Variants in ABHD12 observed in about 807,000 individuals in gnomAD.
ABHD12 encodes abhydrolase domain containing 12, lysophospholipase, also known as lysophosphatidylserine lipase ABHD12.
In ABHD12, 43 loss-of-function variants were observed where a neutral mutation model predicts 58.3. That is an observed-to-expected ratio of 0.74 (90% confidence interval 0.58 to 0.95). The LOEUF is 0.95. Among genes scored for constraint, ABHD12 ranks in the 40% least tolerant of loss-of-function variants. The pLI, the probability that ABHD12 is intolerant of heterozygous loss-of-function variation, is 0.00. For synonymous variants in ABHD12, 219 were observed against 211.2 expected, an observed-to-expected ratio of 1.04 and a Z score of -0.32; for missense variants, 539 against 537.2, an observed-to-expected ratio of 1.00 and a Z score of -0.03.
At chr20:25,312,169 CTCTCCCTCTCCCCACGG>C (rs1316040685) in intron 6 of ABHD12, among the ~76,000 whole-genome samples, 8 of 151,960 alleles carry the variant, frequency 5.3e-5, no homozygotes, top group South Asian at 2.1e-4. Context: ...AATAAAATAG[CTCTCCCTCTCCCCACGG>C]TCTCCCTCTC....
At chr20:25,339,418 G>C in intron 1 of ABHD12, 67 bp from the exon 2 acceptor site, 1 of 1,608,256 alleles carries the variant, frequency 6.2e-7, no homozygotes, top group Non-Finnish European at 8.5e-7. Context: ...TTTGTTAATA[G>C]TGTTATCAAA....
chr20:25,376,012 A>T (rs1406903976), intron 1 of ABHD12, among the ~76,000 whole-genome samples: 1 of 152,080 alleles, frequency 6.6e-6, no homozygotes, highest in Non-Finnish European at 1.5e-5. Context: ...AGTCCCAGCC[A>T]CTTGGGAGGC....
intron 1 of ABHD12, among the ~76,000 whole-genome samples, chr20:25,385,971 G>A (rs1274219718): frequency 6.6e-6 from 1 of 151,600 alleles, no homozygotes; most frequent in Non-Finnish European, 1.5e-5. Context: ...TGTGTTGGTG[G>A]GCACCTGTAG....
intron 1 of ABHD12, among the ~76,000 whole-genome samples, chr20:25,367,117 T>C (rs2089833038): frequency 6.6e-6 from 1 of 152,350 alleles, no homozygotes; most frequent in African/African-American, 2.4e-5. Context: ...TTTGAATTTG[T>C]CTTCTCTTCC....
At chr20:25,319,019 C>T (rs982703851) in intron 4 of ABHD12, among the ~76,000 whole-genome samples, 5 of 152,196 alleles carry the variant, frequency 3.3e-5, no homozygotes, top group Non-Finnish European at 7.3e-5. Context: ...GCTGGCTCTG[C>T]CTATAAAATG....
chr20:25,374,282 C>G (rs551099465), intron 1 of ABHD12, among the ~76,000 whole-genome samples: 3 of 151,962 alleles, frequency 2.0e-5, no homozygotes, highest in Non-Finnish European at 2.9e-5. Flanking sequence ...TTTTGAAAAT[C>G]TGTTTGGTTC....
chr20:25,379,631 C>T (rs1249727495), intron 1 of ABHD12, among the ~76,000 whole-genome samples: 1 of 152,202 alleles, frequency 6.6e-6, no homozygotes. Flanking sequence ...TATTCCCATG[C>T]ACACTCCAGA....
intron 1 of ABHD12, among the ~76,000 whole-genome samples, chr20:25,382,522 C>T (rs887784988): frequency 6.6e-6 from 1 of 152,082 alleles, no homozygotes; most frequent in African/African-American, 2.4e-5. Flanking sequence ...GACAAGTGTT[C>T]TAATGGAAGA....
chr20:25,371,415 T>C (rs557566515), intron 1 of ABHD12, among the ~76,000 whole-genome samples: 1 of 152,346 alleles, frequency 6.6e-6, no homozygotes, highest in African/African-American at 2.4e-5. Flanking sequence ...CACCTGGTTA[T>C]AAAACGCTTA....
intron 1 of ABHD12, among the ~76,000 whole-genome samples, chr20:25,388,790 T>TC (rs201884186): frequency 0.018 from 2,158 of 119,146 alleles, 53 homozygotes; most frequent in African/African-American, 0.09. Flanking sequence ...ATTTTTTCTT[T>TC]TTTTTTTTTT....
At chr20:25,331,631 A>T (rs1394511850) in intron 2 of ABHD12, among the ~76,000 whole-genome samples, 5 of 152,220 alleles carry the variant, frequency 3.3e-5, no homozygotes, top group African/African-American at 1.2e-4. Flanking sequence ...ACAAGCCAGA[A>T]GAGAGTGGGG....
chr20:25,355,699 C>CA (rs2089658445), intron 1 of ABHD12, among the ~76,000 whole-genome samples: 1 of 152,114 alleles, frequency 6.6e-6, no homozygotes, highest in South Asian at 2.1e-4. Context: ...GCTGGGATTA[C>CA]AGGCACCCAC....
intron 6 of ABHD12, among the ~76,000 whole-genome samples, chr20:25,312,718 C>T (rs564263828): frequency 6.6e-6 from 1 of 151,800 alleles, no homozygotes; most frequent in South Asian, 2.1e-4. Flanking sequence ...GGCCGCCATC[C>T]CATCTAGGAA....
chr20:25,369,229 C>T (rs972079877), intron 1 of ABHD12, among the ~76,000 whole-genome samples: 1 of 152,122 alleles, frequency 6.6e-6, no homozygotes, highest in Non-Finnish European at 1.5e-5. Context: ...TATTCATGTG[C>T]TTATAAGTCA....
At chr20:25,383,390 TG>T (rs1347504089) in intron 1 of ABHD12, among the ~76,000 whole-genome samples, 2 of 152,120 alleles carry the variant, frequency 1.3e-5, no homozygotes, top group African/African-American at 4.8e-5. Flanking sequence ...GCCTGTCGGT[TG>T]GGAGTTGGAG....
At chr20:25,319,630 T>C (rs556122182) in intron 4 of ABHD12, among the ~76,000 whole-genome samples, 1 of 152,036 alleles carries the variant, frequency 6.6e-6, no homozygotes, top group Non-Finnish European at 1.5e-5. Flanking sequence ...ATGACAGATA[T>C]AGAGAAAACA....
intron 2 of ABHD12, among the ~76,000 whole-genome samples, chr20:25,331,413 T>A (rs2089273530): frequency 6.6e-6 from 1 of 152,062 alleles, no homozygotes; most frequent in Non-Finnish European, 1.5e-5. Context: ...TTCCCCAATC[T>A]AGCAAGGCAG....
chr20:25,343,765 A>AG (rs1166407768), intron 1 of ABHD12, among the ~76,000 whole-genome samples: 2 of 152,230 alleles, frequency 1.3e-5, no homozygotes, highest in African/African-American at 4.8e-5. Context: ...ACTGCACTCC[A>AG]GCCTGAGCAA....
chr20:25,378,158 G>GA (rs1417126467), intron 1 of ABHD12, among the ~76,000 whole-genome samples: 3 of 152,184 alleles, frequency 2.0e-5, no homozygotes, highest in Non-Finnish European at 4.4e-5. Flanking sequence ...AGCAACACAG[G>GA]AGTCTTTAAG....
Sources: allele counts gnomAD v4.1 joint callset (sites outside exome capture counted in the v4.1 genomes callset), GRCh38; gene constraint gnomAD v4.1.1; transcripts MANE v1.5; gene names NCBI Gene and HGNC (gene_info 2026-07-23, HGNC 2026-07-21).